TRPS1: variants seen among roughly 807,000 people sequenced by gnomAD.
The protein encoded by TRPS1 is zinc finger transcription factor Trps1.
A neutral mutation model predicts 101.2 loss-of-function variants in TRPS1; 6 were observed. The ratio of observed to expected loss-of-function variants is 0.06; its 90% CI spans 0.03 to 0.12. The LOEUF is 0.12. TRPS1 is among the 10% of genes least tolerant of loss of function. The pLI is 1.00. For synonymous variants in TRPS1, 578 were observed against 589.8 expected (o/e 0.98, Z 0.29); for missense variants, 1,363 against 1,567.0 (o/e 0.87, Z 2.20).
chr8:115,565,755 T>C (rs956181070), intron 5 of TRPS1, among the ~76,000 whole-genome samples: 2 of 152,130 alleles, frequency 1.3e-5, no homozygotes, highest in Non-Finnish European at 2.9e-5. Context: ...AATTTAACCA[T>C]AGCTTTACTA....
chr8:115,656,573 T>A (rs1271190501), intron 1 of TRPS1, among the ~76,000 whole-genome samples: 1 of 152,114 alleles, frequency 6.6e-6, no homozygotes, highest in Admixed American at 6.6e-5. Flanking sequence ...CAATTAAATG[T>A]CATATTATTT....
In TRPS1 at chr8:115,619,825, T is replaced by A; in HGVS notation, c.273A>T (p.Ala91=). Residue 91 remains alanine, a synonymous_variant, in exon 3 of 7, where the codon GCA becomes GCT. Transcript: ENST00000395715. ...SSSSKKDLKS[A]VLSEKAGFNY... ...TGAAGCCAGCCTTCTCACTCAGAACTGCGCTTTTCAAGTCCTTCTTACTGC... is the reference window on the plus strand; with the variant it reads ...TGAAGCCAGCCTTCTCACTCAGAACAGCGCTTTTCAAGTCCTTCTTACTGC... 1 of 1,614,238 alleles carries A rather than the reference T, an allele frequency of 6.2e-7. No individual in the cohort carries two copies. Among genetic ancestry groups the A allele is most frequent in the Non-Finnish European group, 8.5e-7 (1 of 1,180,034 alleles).
At chr8:115,593,466 T>C (rs1210428807) in intron 4 of TRPS1, among the ~76,000 whole-genome samples, 3 of 152,196 alleles carry the variant, frequency 2.0e-5, no homozygotes, top group African/African-American at 4.8e-5. Context: ...CGTTATTTGA[T>C]AGTTAAAGCA....
At chr8:115,612,759 C>T (rs537083977) in intron 3 of TRPS1, among the ~76,000 whole-genome samples, 8 of 152,248 alleles carry the variant, frequency 5.3e-5, no homozygotes, top group East Asian at 1.9e-4. Context: ...CTGTGAATTC[C>T]CAAACTCCTC....
At chr8:115,666,425 A>T (rs888101119) in intron 1 of TRPS1, among the ~76,000 whole-genome samples, 16 of 152,056 alleles carry the variant, frequency 1.1e-4, no homozygotes, top group African/African-American at 1.9e-4. Context: ...AAAAAAAAAA[A>T]AGCCCACACG....
At chr8:115,451,302 T>C (rs1813864815) in intron 5 of TRPS1, among the ~76,000 whole-genome samples, 1 of 152,300 alleles carries the variant, frequency 6.6e-6, no homozygotes, top group Non-Finnish European at 1.5e-5. Flanking sequence ...TCATTCCTCA[T>C]TCATTCAACA....
Position 115,449,956 on chromosome 8 carries a change from A to AACACACACACACAC in TRPS1, c.2701-31518_2701-31505dup, listed in dbSNP as rs61176190. On this transcript the variant is annotated intron_variant, in intron 5 of 6. Coordinates refer to ENST00000395715, the MANE Select transcript of TRPS1 (RefSeq NM_014112.5). ...GAGATGCCAAAGTAATATGTGATTT[A>AACACACACACACAC]ACACACACACACACACACACACACA... Among the ~76,000 whole-genome samples the AACACACACACACAC allele has an allele frequency of 4.9e-3, 720 of 146,986 alleles. 6 individuals carry two copies. The highest frequency in any genetic ancestry group is 0.014 in the African/African-American group (570 of 39,538).
intron 5 of TRPS1, among the ~76,000 whole-genome samples, chr8:115,571,479 G>A (rs1024668212): frequency 2.6e-5 from 4 of 152,072 alleles, no homozygotes; most frequent in African/African-American, 9.7e-5. Flanking sequence ...TTAAAGCTTG[G>A]AAGATTTTAA....
At chr8:115,426,725 A>AT (rs1813195759) in intron 5 of TRPS1, among the ~76,000 whole-genome samples, 1 of 152,216 alleles carries the variant, frequency 6.6e-6, no homozygotes, top group East Asian at 1.9e-4. Context: ...TAACTTTAAC[A>AT]TGGTCAAAAG....
intron 5 of TRPS1, among the ~76,000 whole-genome samples, chr8:115,434,077 C>A (rs943824531): frequency 3.1e-5 from 2 of 64,800 alleles, no homozygotes; most frequent in Non-Finnish European, 2.9e-5. Flanking sequence ...AAAGGCCATA[C>A]GCTGCATGAT....
intron 5 of TRPS1, among the ~76,000 whole-genome samples, chr8:115,489,246 T>C (rs1814961954): frequency 6.6e-6 from 1 of 152,188 alleles, no homozygotes; most frequent in Non-Finnish European, 1.5e-5. Flanking sequence ...GAACATATTG[T>C]CTTATTTCAT....
intron 1 of TRPS1, among the ~76,000 whole-genome samples, chr8:115,643,136 ATTG>A (rs1818942064): frequency 6.6e-6 from 1 of 152,158 alleles, no homozygotes; most frequent in South Asian, 2.1e-4. Flanking sequence ...GTCTTGAGCA[ATTG>A]GTAATCTTTT....
At chr8:115,539,115 A>G (rs1816391219) in intron 5 of TRPS1, among the ~76,000 whole-genome samples, 1 of 152,156 alleles carries the variant, frequency 6.6e-6, no homozygotes, top group Non-Finnish European at 1.5e-5. Flanking sequence ...GCATTCAGCT[A>G]ATGTATTGAG....
At chr8:115,579,129 T>C (rs1246061316) in intron 5 of TRPS1, among the ~76,000 whole-genome samples, 1 of 152,060 alleles carries the variant, frequency 6.6e-6, no homozygotes, top group Non-Finnish European at 1.5e-5. Flanking sequence ...CTGGTGAGGA[T>C]GAAAGGAATC....
chr8:115,649,070 G>A (rs934927587), intron 1 of TRPS1, among the ~76,000 whole-genome samples: 1 of 152,182 alleles, frequency 6.6e-6, no homozygotes, highest in African/African-American at 2.4e-5. Context: ...AGAAGAGACA[G>A]TTACTTAAAC....
At chr8:115,512,380 A>G (rs1815607420) in intron 5 of TRPS1, among the ~76,000 whole-genome samples, 1 of 151,758 alleles carries the variant, frequency 6.6e-6, no homozygotes, top group Non-Finnish European at 1.5e-5. Flanking sequence ...TATTTCTTCA[A>G]GAATTGGACA....
chr8:115,642,650 A>C (rs1818927528), intron 1 of TRPS1, among the ~76,000 whole-genome samples: 1 of 151,956 alleles, frequency 6.6e-6, no homozygotes, highest in Non-Finnish European at 1.5e-5. Context: ...CACCTTTTCT[A>C]TCAAAAAATG....
intron 1 of TRPS1, among the ~76,000 whole-genome samples, chr8:115,647,785 T>C (rs1482046220): frequency 6.6e-6 from 1 of 152,210 alleles, no homozygotes; most frequent in South Asian, 2.1e-4. Flanking sequence ...AATTTTGTTA[T>C]ATTCATTTGA....
At chr8:115,614,654 T>C (rs1019432639) in intron 3 of TRPS1, among the ~76,000 whole-genome samples, 2 of 152,248 alleles carry the variant, frequency 1.3e-5, no homozygotes, top group Non-Finnish European at 2.9e-5. Flanking sequence ...CTGTATTCTA[T>C]AGACAGTCTG....
Sources: allele counts gnomAD v4.1 joint callset (sites outside exome capture counted in the v4.1 genomes callset), GRCh38; gene constraint gnomAD v4.1.1; transcripts MANE v1.5; gene names NCBI Gene and HGNC (gene_info 2026-07-23, HGNC 2026-07-21).